Variants in PRKG1 observed in about 807,000 individuals in gnomAD.
PRKG1 encodes protein kinase cGMP-dependent 1, also known as cGMP-dependent protein kinase 1.
Under a neutral mutation model 88.1 loss-of-function variants are expected in PRKG1, and 35 were observed. That is an observed-to-expected ratio of 0.40 (90% confidence interval 0.30 to 0.53). The LOEUF (loss-of-function observed/expected upper bound fraction) is 0.53, where lower values mean the gene tolerates loss of function less well. Among genes scored for constraint, PRKG1 ranks in the 20% least tolerant of loss-of-function variants. PRKG1 has a pLI of 0.59. For synonymous variants in PRKG1, 303 were observed against 292.5 expected, an observed-to-expected ratio of 1.04 and a Z score of -0.37; for missense variants, 540 against 839.8, an observed-to-expected ratio of 0.64 and a Z score of 4.41.
intron 5 of PRKG1, among the ~76,000 whole-genome samples, chr10:52,020,246 C>T (rs892825345): frequency 2.0e-5 from 3 of 152,118 alleles, no homozygotes; most frequent in African/African-American, 7.2e-5. Flanking sequence ...TGTTTCTTAA[C>T]TGTCTCTCCA....
intron 9 of PRKG1, among the ~76,000 whole-genome samples, chr10:52,215,868 T>C (rs1285726449): frequency 2.0e-5 from 3 of 152,216 alleles, no homozygotes; most frequent in Admixed American, 1.3e-4. Flanking sequence ...ATCTTAAGCA[T>C]AGATTATGTT....
At chr10:51,705,495 C>A (rs1841583524) in intron 3 of PRKG1, among the ~76,000 whole-genome samples, 1 of 152,096 alleles carries the variant, frequency 6.6e-6, no homozygotes, top group Non-Finnish European at 1.5e-5. Context: ...TGATAACAGT[C>A]TTATGAAGTA....
intron 1 of PRKG1, among the ~76,000 whole-genome samples, chr10:51,108,414 T>G (rs1260190737): frequency 6.6e-6 from 1 of 151,860 alleles, no homozygotes; most frequent in Admixed American, 6.6e-5. Flanking sequence ...TTATCCCCAC[T>G]GGTGTACATC....
At chr10:51,485,604 C>A (rs533673464) in intron 3 of PRKG1, among the ~76,000 whole-genome samples, 50 of 152,244 alleles carry the variant, frequency 3.3e-4, no homozygotes, top group Non-Finnish European at 6.5e-4. Flanking sequence ...TCAAGAGAGG[C>A]AAGATACTTA....
chr10:51,572,861 C>G (rs1589095268), intron 3 of PRKG1, among the ~76,000 whole-genome samples: 1 of 151,764 alleles, frequency 6.6e-6, no homozygotes, highest in South Asian at 2.1e-4. Context: ...AAGTTTTACT[C>G]TTTAGAATTG....
intron 2 of PRKG1, among the ~76,000 whole-genome samples, chr10:51,443,082 C>A (rs532552299): frequency 6.9e-6 from 1 of 144,666 alleles, no homozygotes; most frequent in East Asian, 1.9e-4. Context: ...TGTTTAAGAG[C>A]ATGCAGCATG....
chr10:51,915,153 T>C (rs1174481592), intron 5 of PRKG1, among the ~76,000 whole-genome samples: 1 of 152,202 alleles, frequency 6.6e-6, no homozygotes, highest in Non-Finnish European at 1.5e-5. Flanking sequence ...CAGACTCCTT[T>C]GCATTCTCTC....
intron 5 of PRKG1, among the ~76,000 whole-genome samples, chr10:51,921,530 A>G (rs935636155): frequency 6.6e-6 from 1 of 152,118 alleles, no homozygotes; most frequent in Non-Finnish European, 1.5e-5. Context: ...ACTGTTAAGT[A>G]TGTTAGCCGT....
intron 4 of PRKG1, among the ~76,000 whole-genome samples, chr10:51,895,038 A>T (rs527776764): frequency 6.6e-5 from 10 of 152,324 alleles, no homozygotes; most frequent in African/African-American, 9.6e-5. Context: ...TATAGGGATA[A>T]TAGAGAAAGT....
intron 5 of PRKG1, among the ~76,000 whole-genome samples, chr10:52,010,319 C>G (rs1161656130): frequency 1.3e-5 from 2 of 151,786 alleles, no homozygotes; most frequent in East Asian, 3.9e-4. Flanking sequence ...ACTTTATAAG[C>G]AAAAACAACA....
intron 5 of PRKG1, among the ~76,000 whole-genome samples, chr10:51,985,178 C>T (rs972049095): frequency 6.6e-6 from 1 of 151,932 alleles, no homozygotes; most frequent in Admixed American, 6.6e-5. Flanking sequence ...TTTTTTGGTT[C>T]ACACTAAATT....
intron 1 of PRKG1, among the ~76,000 whole-genome samples, chr10:51,057,001 T>A (rs1445869383): frequency 1.3e-5 from 2 of 152,244 alleles, no homozygotes; most frequent in Non-Finnish European, 2.9e-5. Context: ...AATCTTCTTT[T>A]CCGATTTCTT....
At chr10:51,501,587 C>A (rs1433645503) in intron 3 of PRKG1, among the ~76,000 whole-genome samples, 1 of 152,058 alleles carries the variant, frequency 6.6e-6, no homozygotes. Context: ...ATTGTACCAG[C>A]CATGTTTGTG....
chr10:52,180,659 T>C (rs149028476), intron 9 of PRKG1, among the ~76,000 whole-genome samples: 190 of 152,336 alleles, frequency 1.2e-3, no homozygotes, highest in Non-Finnish European at 2.3e-3. Context: ...GCTAGTGATG[T>C]TCGCTAGTAT....
chr10:52,149,868 C>T (rs1338510522), intron 8 of PRKG1, among the ~76,000 whole-genome samples: 1 of 152,090 alleles, frequency 6.6e-6, no homozygotes, highest in African/African-American at 2.4e-5. Context: ...GAATCTTGGC[C>T]GGCTGTGATG....
intron 2 of PRKG1, among the ~76,000 whole-genome samples, chr10:51,230,205 C>T (rs565932075): frequency 5.5e-4 from 84 of 152,102 alleles, no homozygotes; most frequent in Non-Finnish European, 1.1e-3. Context: ...GATATGGGAA[C>T]ATGAATTCGA....
intron 4 of PRKG1, among the ~76,000 whole-genome samples, chr10:51,887,512 C>T (rs1302642355): frequency 6.6e-6 from 1 of 152,188 alleles, no homozygotes; most frequent in Non-Finnish European, 1.5e-5. Context: ...ACAGTGGCTA[C>T]ACCACCCTAT....
At chr10:52,144,350 G>A (rs1189286587) in intron 8 of PRKG1, among the ~76,000 whole-genome samples, 2 of 152,186 alleles carry the variant, frequency 1.3e-5, no homozygotes, top group African/African-American at 4.8e-5. Context: ...GATTTATTTT[G>A]GGGGCAATAA....
intron 5 of PRKG1, among the ~76,000 whole-genome samples, chr10:51,915,487 C>A (rs1842319387): frequency 1.3e-5 from 2 of 152,146 alleles, no homozygotes; most frequent in South Asian, 2.1e-4. Context: ...CTTGTGTCTT[C>A]CCTTTTGGGG....
Sources: allele counts gnomAD v4.1 joint callset (sites outside exome capture counted in the v4.1 genomes callset), GRCh38; gene constraint gnomAD v4.1.1; transcripts MANE v1.5; gene names NCBI Gene and HGNC (gene_info 2026-07-23, HGNC 2026-07-21).